ABTB3: variants seen among roughly 807,000 people sequenced by gnomAD.
The protein encoded by ABTB3 is ankyrin repeat and BTB domain containing 3, also known as ankyrin repeat- and BTB/POZ domain-containing protein 3.
At chr12:107,383,581 A>G in the ABTB3 span, among the ~76,000 whole-genome samples, 1 of 151,904 alleles carries the variant, frequency 6.6e-6, no homozygotes, top group Non-Finnish European at 1.5e-5. Context: ...TAAGTGGTCA[A>G]TAAGTGTTCA....
chr12:107,445,938 CTT>C, the ABTB3 span, among the ~76,000 whole-genome samples: 1 of 148,088 alleles, frequency 6.8e-6, no homozygotes, highest in Non-Finnish European at 1.5e-5. Context: ...CTCTGACCCT[CTT>C]GTCTCCCTTT....
the ABTB3 span, among the ~76,000 whole-genome samples, chr12:107,572,070 T>C: frequency 6.6e-6 from 1 of 152,214 alleles, no homozygotes; most frequent in Non-Finnish European, 1.5e-5. Context: ...AAACAGTCTT[T>C]ACCTATGTGA....
the ABTB3 span, among the ~76,000 whole-genome samples, chr12:107,425,013 C>T: frequency 3.3e-5 from 5 of 152,338 alleles, no homozygotes; most frequent in Admixed American, 3.3e-4. Flanking sequence ...GCGGACACAA[C>T]ATCTTTTCTA....
chr12:107,344,660 A>G, the ABTB3 span, among the ~76,000 whole-genome samples: 1 of 152,204 alleles, frequency 6.6e-6, no homozygotes, highest in Non-Finnish European at 1.5e-5. Flanking sequence ...TGGCCAGCTC[A>G]TCACCTCCCA....
the ABTB3 span, among the ~76,000 whole-genome samples, chr12:107,428,111 G>T: frequency 6.6e-6 from 1 of 152,154 alleles, no homozygotes; most frequent in Non-Finnish European, 1.5e-5. Flanking sequence ...AGCATCTCTC[G>T]CAGTGTCTGG....
the ABTB3 span, among the ~76,000 whole-genome samples, chr12:107,414,994 A>C: frequency 4.6e-5 from 7 of 152,106 alleles, no homozygotes; most frequent in African/African-American, 1.2e-4. Context: ...GATTATAGGC[A>C]TGAAGCCAGT....
chr12:107,401,156 G>T, the ABTB3 span, among the ~76,000 whole-genome samples: 4 of 152,270 alleles, frequency 2.6e-5, no homozygotes, highest in Middle Eastern at 3.4e-3. Flanking sequence ...TTCCCAATGG[G>T]TTCCTTTTCA....
the ABTB3 span, among the ~76,000 whole-genome samples, chr12:107,488,009 T>C: frequency 6.6e-6 from 1 of 151,496 alleles, no homozygotes; most frequent in African/African-American, 2.4e-5. Flanking sequence ...GGGCTCTCAG[T>C]GTGGGAAACG....
the ABTB3 span, among the ~76,000 whole-genome samples, chr12:107,386,890 AGTGTGT>A: frequency 1.2e-3 from 169 of 143,348 alleles, 1 homozygote; most frequent in East Asian, 7.8e-3. Flanking sequence ...GGAAATGGAA[AGTGTGT>A]GTGTGTGTGT....
chr12:107,544,167 G>A, the ABTB3 span: 2 of 1,604,382 alleles, frequency 1.2e-6, no homozygotes, highest in Non-Finnish European at 1.7e-6. Flanking sequence ...TTGCCTTGTG[G>A]TGGGTGGGTA....
the ABTB3 span, among the ~76,000 whole-genome samples, chr12:107,461,770 C>T: frequency 3.9e-5 from 6 of 152,124 alleles, no homozygotes; most frequent in Non-Finnish European, 7.3e-5. Flanking sequence ...CAGAGATTCA[C>T]GTCAGTCCCA....
chr12:107,649,753 GA>G, the ABTB3 span: 1 of 161,146 alleles, frequency 6.2e-6, no homozygotes, highest in Non-Finnish European at 1.4e-5. Context: ...GCTGAGGGCA[GA>G]TTACAGTCTC....
chr12:107,462,086 G>T, the ABTB3 span, among the ~76,000 whole-genome samples: 4 of 152,150 alleles, frequency 2.6e-5, no homozygotes, highest in Admixed American at 6.5e-5. Context: ...ACTTCAATCA[G>T]CCTCAGTTTA....
At chr12:107,332,959 C>T in the ABTB3 span, among the ~76,000 whole-genome samples, 2 of 152,150 alleles carry the variant, frequency 1.3e-5, no homozygotes, top group African/African-American at 4.8e-5. Flanking sequence ...GTGCCTGTTG[C>T]TTAGGCCAGA....
the ABTB3 span, among the ~76,000 whole-genome samples, chr12:107,576,262 C>T: frequency 1.3e-5 from 2 of 152,236 alleles, no homozygotes; most frequent in Admixed American, 1.3e-4. Flanking sequence ...AAGTTTTCTT[C>T]AAAATGTCAA....
At chr12:107,403,048 G>A in the ABTB3 span, among the ~76,000 whole-genome samples, 3 of 152,306 alleles carry the variant, frequency 2.0e-5, no homozygotes, top group South Asian at 6.2e-4. Context: ...CCAGGTTGTG[G>A]AGAGGGCTCC....
chr12:107,602,493 C>A, the ABTB3 span, among the ~76,000 whole-genome samples: 2 of 152,222 alleles, frequency 1.3e-5, no homozygotes, highest in Non-Finnish European at 2.9e-5. Flanking sequence ...GCGCAGTACT[C>A]TGCTAAGCGC....
At chr12:107,497,561 C>CCATCAT in the ABTB3 span, among the ~76,000 whole-genome samples, 2 of 151,982 alleles carry the variant, frequency 1.3e-5, no homozygotes, top group Non-Finnish European at 2.9e-5. Context: ...ATCGTCACCA[C>CCATCAT]CATCATCATC....
chr12:107,348,895 G>A, the ABTB3 span, among the ~76,000 whole-genome samples: 2 of 152,176 alleles, frequency 1.3e-5, no homozygotes, highest in African/African-American at 2.4e-5. Context: ...GGTGACACTT[G>A]AGCAGCAGTG....
Sources: gnomAD v4.1 joint callset for allele counts (sites outside exome capture counted in the v4.1 genomes callset) on GRCh38, gnomAD v4.1.1 for gene constraint, MANE v1.5 for transcripts, NCBI Gene and HGNC (gene_info 2026-07-23, HGNC 2026-07-21) for gene names.